IKZF1: variants seen among roughly 807,000 people sequenced by gnomAD.
IKZF1 encodes the protein IKAROS family zinc finger 1.
A neutral mutation model predicts 51.7 loss-of-function variants in IKZF1; 10 were observed. The observed-to-expected ratio is 0.19, with a 90% CI of 0.12 to 0.33. The LOEUF is 0.33. IKZF1 is among the 10% of genes least tolerant of loss of function. IKZF1 has a pLI of 1.00. For missense variants in IKZF1, 484 were observed against 707.5 expected (o/e 0.68, Z 3.58); for synonymous variants, 280 against 282.3 (o/e 0.99, Z 0.08).
chr7:50,375,545 A>T (rs971674696), intron 3 of IKZF1, among the ~76,000 whole-genome samples: 1 of 152,232 alleles, frequency 6.6e-6, no homozygotes, highest in Non-Finnish European at 1.5e-5. Context: ...ATGTATCATC[A>T]GTCAGTGTTT....
rs1037110120 is a variant in IKZF1, at chr7:50,403,208, G to A, written c.*2581G>A. ...TTTCTTTGAAACTATTGTATTTAAA[G>A]TAAGGTTTCATATTATGTCAGCAAG... On this transcript the variant is annotated 3_prime_UTR_variant, in exon 8 of 8. Coordinates refer to ENST00000331340, the MANE Select transcript of IKZF1 (RefSeq NM_006060.6). 2 of 219,622 alleles carry A rather than the reference G, an allele frequency of 9.1e-6. No individual in the cohort carries two copies. The highest frequency in any genetic ancestry group is 1.8e-5 in the Non-Finnish European group (2 of 109,742). 13.6% of individuals were successfully genotyped at this position (219,622 alleles called of 1,614,324 possible). A position where few individuals can be genotyped will look rare whatever the true frequency, so the allele number is the denominator to read the frequency against.
intron 3 of IKZF1, among the ~76,000 whole-genome samples, chr7:50,367,007 T>G (rs569607967): frequency 1.3e-5 from 2 of 152,290 alleles, no homozygotes; most frequent in African/African-American, 4.8e-5. Flanking sequence ...TGCTAGGAAA[T>G]AATTCAGCCA....
rs1409173410 is a variant in IKZF1 at position 50,402,662 on chromosome 7, A to G, written c.*2035A>G. 2 of 226,594 alleles carry G rather than the reference A, an allele frequency of 8.8e-6. No individual in the cohort carries two copies. The highest frequency in any genetic ancestry group is 1.7e-5 in the Non-Finnish European group (2 of 114,692). The allele number at this position is 226,594 out of a possible 1,614,324, so 14.0% of individuals were successfully genotyped here. On this transcript the variant is annotated 3_prime_UTR_variant, in exon 8 of 8. Coordinates refer to ENST00000331340, the MANE Select transcript of IKZF1 (RefSeq NM_006060.6). ...GAGTCATTATAAATTCTATAAATCA[A>G]TTATTCCCCTTCGGTCTTAAAAATA... is the stretch of plus-strand genomic sequence containing the variant.
Position 50,400,519 on chromosome 7 carries a change from C to T in IKZF1, c.1452C>T (p.His484=), listed in dbSNP as rs964937354. The T allele has an allele frequency of 1.9e-6, 3 of 1,613,996 alleles. No individual in the cohort carries two copies. The highest frequency in any genetic ancestry group is 1.3e-5 in the African/African-American group (1 of 74,942). ...TGTACACCATCCACATGGGCTGCCA[C>T]GGCTTCCGTGATCCTTTTGAGTGCA... is the stretch of plus-strand genomic sequence containing the variant. ...HVMYTIHMGC[H]GFRDPFECNM... is the part of the protein sequence containing the mutation. Residue 484 remains histidine (H), a synonymous_variant, in exon 8 of 8, where the codon CAC becomes CAT. Transcript: ENST00000331340. This position sits in a 1 kb window ranked among gnomAD's most constrained non-coding sequence, Gnocchi z 5.4.
chr7:50,361,271 A>T (rs1161817719), intron 3 of IKZF1, among the ~76,000 whole-genome samples: 5 of 152,174 alleles, frequency 3.3e-5, no homozygotes, highest in Admixed American at 2.0e-4. Flanking sequence ...TCCTTAAATT[A>T]TAAAACTTGG....
chr7:50,329,551 A>G (rs949662680), intron 3 of IKZF1, among the ~76,000 whole-genome samples: 1 of 152,268 alleles, frequency 6.6e-6, no homozygotes, highest in East Asian at 1.9e-4. Flanking sequence ...CAGTTTAAAT[A>G]AAAACATCAA....
intron 6 of IKZF1, among the ~76,000 whole-genome samples, chr7:50,390,085 C>G (rs1235278227): frequency 6.6e-6 from 1 of 152,200 alleles, no homozygotes; most frequent in African/African-American, 2.4e-5. Context: ...TTCTCTTGAG[C>G]CTTTGGTGCA....
chr7:50,313,849 G>A (rs757917275), intron 1 of IKZF1, among the ~76,000 whole-genome samples: 4 of 152,224 alleles, frequency 2.6e-5, no homozygotes, highest in Non-Finnish European at 4.4e-5. Context: ...GGACAAGACA[G>A]ACAACACCCA....
chr7:50,344,645 G>A (rs946543659), intron 3 of IKZF1, among the ~76,000 whole-genome samples: 1 of 152,184 alleles, frequency 6.6e-6, no homozygotes, highest in African/African-American at 2.4e-5. Flanking sequence ...TAGATTGCAA[G>A]TTCCTTGCAG....
At chr7:50,365,365 A>G (rs913461263) in intron 3 of IKZF1, among the ~76,000 whole-genome samples, 6 of 152,238 alleles carry the variant, frequency 3.9e-5, no homozygotes, top group Admixed American at 6.5e-5. Flanking sequence ...AGGTACAGCT[A>G]TATTTTGTTT....
chr7:50,377,237 G>A (rs1810537804), intron 4 of IKZF1: 1 of 160,080 alleles, frequency 6.2e-6, no homozygotes, highest in South Asian at 1.8e-4. Flanking sequence ...AACTAACAGG[G>A]TTTGATGTTT....
At chr7:50,357,846 G>A (rs189624549) in intron 3 of IKZF1, among the ~76,000 whole-genome samples, 3 of 152,340 alleles carry the variant, frequency 2.0e-5, no homozygotes, top group East Asian at 1.9e-4. Context: ...GGAGTGCCTC[G>A]AATTTGGCCT....
chr7:50,357,209 C>A (rs187007726), intron 3 of IKZF1, among the ~76,000 whole-genome samples: 1 of 152,178 alleles, frequency 6.6e-6, no homozygotes, highest in Non-Finnish European at 1.5e-5. Context: ...CCTCCCACCA[C>A]AGGACCCCCA....
Position 50,306,113 on chromosome 7 carries a change from C to T in IKZF1, c.-15+1191C>T, listed in dbSNP as rs148687395. On this transcript the variant is annotated intron_variant, in intron 1 of 7. Coordinates refer to ENST00000331340, the MANE Select transcript of IKZF1 (RefSeq NM_006060.6). ...TTTGGGCTATGGCTTAAAATGTACA[C>T]GAGGCAAATATTCATGACAAGAAGA... 7.5e-3 allele frequency among the ~76,000 whole-genome samples: 1,139 copies of T among 152,252 alleles called. 5 individuals carry two copies. The highest frequency in any genetic ancestry group is 0.041 in the Middle Eastern group (12 of 294).
At chr7:50,310,621 G>A (rs776945424) in intron 1 of IKZF1, among the ~76,000 whole-genome samples, 2 of 152,164 alleles carry the variant, frequency 1.3e-5, no homozygotes, top group African/African-American at 2.4e-5. Context: ...TGGACCTTAC[G>A]ATGTGATGAA....
intron 1 of IKZF1, among the ~76,000 whole-genome samples, chr7:50,306,359 A>G (rs1023946939): frequency 6.6e-6 from 1 of 152,214 alleles, no homozygotes; most frequent in African/African-American, 2.4e-5. Flanking sequence ...TGACCAGAAC[A>G]TTTTATTGAA....
intron 6 of IKZF1, among the ~76,000 whole-genome samples, chr7:50,389,634 C>T (rs893709480): frequency 2.0e-5 from 3 of 152,204 alleles, no homozygotes; most frequent in Non-Finnish European, 4.4e-5. Flanking sequence ...TCATAAATAT[C>T]TTTCGACAGT....
At position 50,320,289 on chromosome 7, in the gene IKZF1, AT is replaced by A. The variant is rs368065761; in HGVS notation, c.40+1195del. Reference sequence around the variant, plus strand: ...ATTGAATATTTTCACTTAATTTTTAATTTTTTTAATCGTCACAAAATAATTG... The same window carrying A: ...ATTGAATATTTTCACTTAATTTTTAATTTTTTAATCGTCACAAAATAATTG... On this transcript the variant is annotated intron_variant, in intron 2 of 7. Coordinates refer to ENST00000331340, the MANE Select transcript of IKZF1 (RefSeq NM_006060.6). Among the ~76,000 whole-genome samples the A allele has an allele frequency of 1.6e-3, 246 of 152,158 alleles. 1 individual carries two copies. The highest frequency in any genetic ancestry group is 5.5e-3 in the African/African-American group (228 of 41,508).
intron 3 of IKZF1, among the ~76,000 whole-genome samples, chr7:50,347,399 G>C (rs533302435): frequency 1.3e-5 from 2 of 152,290 alleles, no homozygotes; most frequent in African/African-American, 4.8e-5. Flanking sequence ...ACAAGCACTC[G>C]CAGAAGGAGA....
Sources: allele counts gnomAD v4.1 joint callset (sites outside exome capture counted in the v4.1 genomes callset), GRCh38; gene constraint gnomAD v4.1.1; non-coding constraint Gnocchi (gnomAD v3.1); transcripts MANE v1.5; gene names NCBI Gene and HGNC (gene_info 2026-07-23, HGNC 2026-07-21).